The following PCSK5 variants were observed in gnomAD, a reference collection of about 807,000 sequenced individuals.
PCSK5 encodes the protein prohormone convertase 5.
In PCSK5, 129 loss-of-function variants were observed where a neutral mutation model predicts 233.2. The observed-to-expected ratio is 0.55, with a 90% confidence interval of 0.48 to 0.64. The LOEUF (loss-of-function observed/expected upper bound fraction) is 0.64. PCSK5 is among the 30% of genes least tolerant of loss of function. The pLI, the probability that PCSK5 is intolerant of heterozygous loss-of-function variation, is 0.00. For missense variants in PCSK5, 2,076 were observed against 2,430.1 expected (o/e 0.85, Z 3.06); for synonymous variants, 825 against 879.2 (o/e 0.94, Z 1.09).
intron 5 of PCSK5, among the ~76,000 whole-genome samples, chr9:76,037,935 C>G (rs867434701): frequency 6.6e-6 from 1 of 152,164 alleles, no homozygotes; most frequent in South Asian, 2.1e-4. Context: ...AAAGAGTGAC[C>G]TTTGTTAAGA....
intron 9 of PCSK5, among the ~76,000 whole-genome samples, chr9:76,120,682 T>TG (rs1380476014): frequency 1.7e-5 from 2 of 114,544 alleles, no homozygotes; most frequent in Admixed American, 9.3e-5. Flanking sequence ...CTGATTTTCT[T>TG]GTTTTTTTTT....
chr9:76,139,701 T>C (rs928328781), intron 10 of PCSK5, among the ~76,000 whole-genome samples: 2 of 152,214 alleles, frequency 1.3e-5, no homozygotes, highest in African/African-American at 4.8e-5. Flanking sequence ...ACCCATTTCA[T>C]ATTGACTGAA....
intron 2 of PCSK5, among the ~76,000 whole-genome samples, chr9:75,944,726 T>C (rs1824481412): frequency 6.6e-6 from 1 of 152,184 alleles, no homozygotes; most frequent in Non-Finnish European, 1.5e-5. Flanking sequence ...AAATCACCAT[T>C]ATGCTGGTGT....
intron 3 of PCSK5, among the ~76,000 whole-genome samples, chr9:75,992,216 A>G (rs1728292542): frequency 6.6e-6 from 1 of 152,224 alleles, no homozygotes; most frequent in African/African-American, 2.4e-5. Flanking sequence ...TTCATCCTCT[A>G]CAGAGTCATC....
chr9:75,918,318 C>T (rs1370682584), intron 1 of PCSK5, among the ~76,000 whole-genome samples: 1 of 152,188 alleles, frequency 6.6e-6, no homozygotes, highest in Non-Finnish European at 1.5e-5. Flanking sequence ...TTGGTGACCT[C>T]CTTCTCACCT....
At chr9:76,325,707 G>C (rs1829341197) in intron 32 of PCSK5, among the ~76,000 whole-genome samples, 2 of 151,878 alleles carry the variant, frequency 1.3e-5, no homozygotes, top group South Asian at 4.1e-4. Context: ...GCGCGATCTG[G>C]ACTCACCACA....
intron 27 of PCSK5, among the ~76,000 whole-genome samples, chr9:76,299,249 T>C (rs1415535246): frequency 3.3e-5 from 5 of 152,214 alleles, no homozygotes; most frequent in Non-Finnish European, 4.4e-5. Flanking sequence ...AAGATTGTGC[T>C]CGACTCTCTG....
chr9:76,297,351 G>A (rs887142364), intron 27 of PCSK5, among the ~76,000 whole-genome samples: 3 of 152,138 alleles, frequency 2.0e-5, no homozygotes, highest in Admixed American at 6.5e-5. Flanking sequence ...AAAAACAGAC[G>A]GTCTCTATGG....
chr9:76,179,525 C>A, intron 14 of PCSK5, 71 bp from the exon 15 acceptor site: 1 of 1,083,722 alleles, frequency 9.2e-7, no homozygotes, highest in Non-Finnish European at 1.4e-6. Context: ...TATTTTTATA[C>A]CAAATTCAAG....
rs75506590 is a variant in PCSK5, at chr9:76,227,716, G to A, written c.2729+111G>A. On this transcript the variant is annotated intron_variant, in intron 21 of 37. Transcript: ENST00000674117. ...CTCATGGGCCTGCAGTGAAAAAGAA[G>A]CAAACTCTTTCCCACTCCACAGATA... 3.1e-3 allele frequency: 2,158 copies of A among 698,522 alleles called. 40 individuals carry two copies. In the African/African-American group the frequency reaches 0.033, roughly 11 times the overall value. The allele number at this position is 698,522 out of a possible 1,614,324, so 43.3% of individuals were successfully genotyped here.
intron 5 of PCSK5, among the ~76,000 whole-genome samples, chr9:76,040,385 GTCTCTCTCTCTCTCTCTC>G (rs5898445): frequency 1.2e-5 from 1 of 80,622 alleles, no homozygotes; most frequent in Non-Finnish European, 2.6e-5. Context: ...CTCTCTCTCT[GTCTCTCTCTCTCTCTCTC>G]TCTCTCTCTC....
chr9:76,242,793 A>G (rs1315234862), intron 24 of PCSK5, among the ~76,000 whole-genome samples: 1 of 152,198 alleles, frequency 6.6e-6, no homozygotes, highest in Non-Finnish European at 1.5e-5. Context: ...ATCTTTGTGC[A>G]TCTTGGAGGC....
chr9:76,273,246 T>C (rs1025868670), intron 24 of PCSK5, among the ~76,000 whole-genome samples: 1 of 152,174 alleles, frequency 6.6e-6, no homozygotes, highest in Non-Finnish European at 1.5e-5. Flanking sequence ...CATACACACA[T>C]GTGCTCTAAT....
Position 76,272,010 on chromosome 9 carries a change from T to C in PCSK5, c.3143-20223T>C, listed in dbSNP as rs928406725. On this transcript the variant is annotated intron_variant, in intron 24 of 37. Coordinates refer to ENST00000674117, the MANE Select transcript of PCSK5 (RefSeq NM_001372043.1). ...GTAATGTGACCTCATCTTAGCAAAC[T>C]GATTACATCTGCAAAGACCCTATTG... 4.6e-5 allele frequency among the ~76,000 whole-genome samples: 7 copies of C among 152,338 alleles called. No homozygotes were observed. The East Asian group carries it at 1.4e-3, about 29-fold the overall frequency.
chr9:76,355,231 G>A (rs1408470544), intron 37 of PCSK5, among the ~76,000 whole-genome samples: 1 of 152,156 alleles, frequency 6.6e-6, no homozygotes, highest in Non-Finnish European at 1.5e-5. Context: ...TCAGCACTTT[G>A]CGGAGCCAAG....
rs556551635 is a variant in PCSK5 at position 75,987,016 on chromosome 9, A to G, written c.411+771A>G. On this transcript the variant is annotated intron_variant, in intron 3 of 37. Transcript: ENST00000674117. ...TCACCCTTTACTTTCTTCTTTCTTG[A>G]AAGTTTTTATTGCTAAATTTTGCCA... 7.2e-5 allele frequency among the ~76,000 whole-genome samples: 11 copies of G among 152,316 alleles called. No homozygotes were observed. In the South Asian group the frequency reaches 2.3e-3, roughly 32 times the overall value.
intron 24 of PCSK5, among the ~76,000 whole-genome samples, chr9:76,259,874 C>CA: frequency 6.6e-6 from 1 of 152,264 alleles, no homozygotes; most frequent in Middle Eastern, 3.4e-3. Context: ...CTCCCTCCCT[C>CA]ATCTGGAAGC....
chr9:75,924,974 T>G (rs950570071), intron 1 of PCSK5, among the ~76,000 whole-genome samples: 3 of 152,128 alleles, frequency 2.0e-5, no homozygotes, highest in Admixed American at 2.0e-4. Flanking sequence ...CTGCTAATAC[T>G]GTTGTGAGGC....
intron 10 of PCSK5, among the ~76,000 whole-genome samples, chr9:76,147,301 G>C (rs1823478807): frequency 6.6e-6 from 1 of 152,090 alleles, no homozygotes; most frequent in Admixed American, 6.5e-5. Context: ...GAAATATTTG[G>C]GATAACCATA....
Sources: gnomAD v4.1 joint callset for allele counts (sites outside exome capture counted in the v4.1 genomes callset) on GRCh38, gnomAD v4.1.1 for gene constraint, MANE v1.5 for transcripts, NCBI Gene and HGNC (gene_info 2026-07-23, HGNC 2026-07-21) for gene names.